CACNA2D3: variants seen among roughly 807,000 people sequenced by gnomAD.
CACNA2D3 encodes the protein calcium voltage-gated channel auxiliary subunit alpha2delta 3, also known as voltage-dependent calcium channel subunit alpha-2/delta-3.
A neutral mutation model predicts 160.6 loss-of-function variants in CACNA2D3; 60 were observed. That is an observed-to-expected ratio of 0.37 (90% CI 0.30 to 0.46). The LOEUF (loss-of-function observed/expected upper bound fraction) is 0.46, where lower values mean the gene tolerates loss of function less well. Ranked by LOEUF, CACNA2D3 falls within the 20% of genes least tolerant of loss-of-function variation. The pLI, the probability that CACNA2D3 is intolerant of heterozygous loss-of-function variation, is 1.00. For synonymous variants in CACNA2D3, 558 were observed against 492.9 expected, an observed-to-expected ratio of 1.13 and a Z score of -1.75; for missense variants, 1,205 against 1,365.0, an observed-to-expected ratio of 0.88 and a Z score of 1.85.
At chr3:54,756,135 A>G (rs538195234) in intron 12 of CACNA2D3, among the ~76,000 whole-genome samples, 1 of 152,256 alleles carries the variant, frequency 6.6e-6, no homozygotes, top group Non-Finnish European at 1.5e-5. Context: ...CAGGGAGGTA[A>G]TAGTAGCTGC....
At chr3:54,349,532 A>G (rs1447280845) in intron 3 of CACNA2D3, among the ~76,000 whole-genome samples, 1 of 152,140 alleles carries the variant, frequency 6.6e-6, no homozygotes, top group Non-Finnish European at 1.5e-5. Context: ...TTTTCGGAGC[A>G]TTGCTGTGTT....
chr3:54,295,919 G>A (rs541521566), intron 2 of CACNA2D3, among the ~76,000 whole-genome samples: 1 of 152,194 alleles, frequency 6.6e-6, no homozygotes, highest in Non-Finnish European at 1.5e-5. Flanking sequence ...GGGGTCCTAA[G>A]ATTTATTTTC....
chr3:54,880,400 A>T (rs1308635868), intron 20 of CACNA2D3, among the ~76,000 whole-genome samples: 1 of 152,216 alleles, frequency 6.6e-6, no homozygotes, highest in African/African-American at 2.4e-5. Flanking sequence ...AGCAGGGGTC[A>T]ATTTCCCGAG....
At chr3:54,627,121 A>G (rs1699136915) in intron 9 of CACNA2D3, among the ~76,000 whole-genome samples, 1 of 152,168 alleles carries the variant, frequency 6.6e-6, no homozygotes, top group African/African-American at 2.4e-5. Context: ...CTATCTACTG[A>G]GCCCCTTCTG....
intron 2 of CACNA2D3, among the ~76,000 whole-genome samples, chr3:54,192,638 T>C (rs1701003776): frequency 6.6e-6 from 1 of 151,866 alleles, no homozygotes; most frequent in African/African-American, 2.4e-5. Context: ...CATGAAGTGG[T>C]CTCAGCTCCC....
chr3:54,314,801 C>T (rs868577377), intron 2 of CACNA2D3, among the ~76,000 whole-genome samples: 2 of 152,254 alleles, frequency 1.3e-5, no homozygotes, highest in South Asian at 2.1e-4. Flanking sequence ...CCAGAGACAC[C>T]AAGTATAGTT....
chr3:54,923,422 C>T (rs1394207884), intron 27 of CACNA2D3, among the ~76,000 whole-genome samples: 2 of 152,156 alleles, frequency 1.3e-5, no homozygotes, highest in Admixed American at 1.3e-4. Flanking sequence ...TTGGGTTCTG[C>T]TCAGCCATGT....
intron 11 of CACNA2D3, among the ~76,000 whole-genome samples, chr3:54,733,839 AT>A (rs1559562639): frequency 6.6e-6 from 1 of 152,216 alleles, no homozygotes; most frequent in Non-Finnish European, 1.5e-5. Flanking sequence ...AACTGTCAAG[AT>A]AAAGGAAGAT....
chr3:54,408,857 C>T (rs887166982), intron 4 of CACNA2D3, among the ~76,000 whole-genome samples: 2 of 152,128 alleles, frequency 1.3e-5, no homozygotes, highest in African/African-American at 4.8e-5. Context: ...TTATTCAGAA[C>T]TAAGTCCAGT....
At chr3:54,888,784 G>A (rs1002576158) in intron 24 of CACNA2D3, among the ~76,000 whole-genome samples, 10 of 151,572 alleles carry the variant, frequency 6.6e-5, no homozygotes, top group African/African-American at 9.7e-5. Flanking sequence ...CTTCCATCCT[G>A]ACATTCATTC....
At chr3:54,510,147 A>C (rs530517880) in intron 5 of CACNA2D3, among the ~76,000 whole-genome samples, 22 of 151,596 alleles carry the variant, frequency 1.5e-4, no homozygotes, top group Middle Eastern at 3.4e-3. Context: ...GGATGAATGG[A>C]TGGATGAATG....
intron 31 of CACNA2D3, among the ~76,000 whole-genome samples, chr3:54,997,152 C>A (rs1702875927): frequency 6.6e-6 from 1 of 152,064 alleles, no homozygotes; most frequent in South Asian, 2.1e-4. Flanking sequence ...GCACATGTAT[C>A]CCAGAACTTA....
chr3:54,788,096 A>G (rs928357040), intron 13 of CACNA2D3, among the ~76,000 whole-genome samples: 1 of 152,018 alleles, frequency 6.6e-6, no homozygotes, highest in African/African-American at 2.4e-5. Flanking sequence ...ATTTATATAC[A>G]TTTCCTTATT....
chr3:54,941,487 C>G (rs1302940478), intron 27 of CACNA2D3, among the ~76,000 whole-genome samples: 3 of 152,146 alleles, frequency 2.0e-5, no homozygotes, highest in African/African-American at 7.2e-5. Flanking sequence ...CGTTTTCCCC[C>G]TCCATTCATT....
intron 16 of CACNA2D3, among the ~76,000 whole-genome samples, chr3:54,845,073 C>A (rs930554699): frequency 6.6e-6 from 1 of 152,184 alleles, no homozygotes; most frequent in Non-Finnish European, 1.5e-5. Context: ...GATAGGAAAT[C>A]TCTGGTTTAT....
chr3:54,354,242 A>G (rs1402019524), intron 3 of CACNA2D3, among the ~76,000 whole-genome samples: 4 of 152,104 alleles, frequency 2.6e-5, no homozygotes, highest in South Asian at 2.1e-4. Flanking sequence ...GTCTGCTGCA[A>G]ACACCCTCAC....
intron 35 of CACNA2D3, among the ~76,000 whole-genome samples, chr3:55,038,536 G>T (rs186946570): frequency 3.5e-4 from 53 of 152,164 alleles, no homozygotes; most frequent in African/African-American, 1.3e-3. Context: ...GTGAAATGTG[G>T]TATACGCACA....
chr3:54,152,973 G>T (rs1414573244), intron 2 of CACNA2D3, among the ~76,000 whole-genome samples: 2 of 152,190 alleles, frequency 1.3e-5, no homozygotes, highest in Admixed American at 6.5e-5. Flanking sequence ...GGAATCCAGG[G>T]CTTGGGAGAG....
chr3:54,245,829 A>G (rs146399247), intron 2 of CACNA2D3, among the ~76,000 whole-genome samples: 4 of 152,316 alleles, frequency 2.6e-5, no homozygotes, highest in South Asian at 2.1e-4. Flanking sequence ...TGAAAATGCA[A>G]TGCAAGAATG....
Sources: gnomAD v4.1 joint callset for allele counts (sites outside exome capture counted in the v4.1 genomes callset) on GRCh38, gnomAD v4.1.1 for gene constraint, MANE v1.5 for transcripts, NCBI Gene and HGNC (gene_info 2026-07-23, HGNC 2026-07-21) for gene names.